Variants in COL12A1 observed in about 807,000 individuals in gnomAD.
COL12A1 encodes the protein collagen type XII alpha 1 chain, also known as collagen alpha-1(XII) chain.
A neutral mutation model predicts 349.7 loss-of-function variants in COL12A1; 114 were observed. That is an observed-to-expected ratio of 0.33 (90% CI 0.28 to 0.38). COL12A1 has a LOEUF of 0.38. Among genes scored for constraint, COL12A1 ranks in the 10% least tolerant of loss-of-function variants. COL12A1 has a pLI of 1.00. For missense variants in COL12A1, 3,284 were observed against 3,756.9 expected, an observed-to-expected ratio of 0.87 and a Z score of 3.29; for synonymous variants, 1,369 against 1,329.0, an observed-to-expected ratio of 1.03 and a Z score of -0.66.
chr6:75,097,208 G>C, intron 59 of COL12A1, 45 bp downstream of exon 59: 1 of 1,558,866 alleles, frequency 6.4e-7, no homozygotes, highest in Non-Finnish European at 8.8e-7. Context: ...TGAGGTGAGA[G>C]GGTGGGAGTG....
chr6:75,163,218 T>TTTA (rs2149435263), intron 14 of COL12A1, among the ~76,000 whole-genome samples: 1 of 152,288 alleles, frequency 6.6e-6, no homozygotes, highest in Non-Finnish European at 1.5e-5. Context: ...CACACGTATG[T>TTTA]TTATTGCAGC....
At chr6:75,176,455 G>A (rs151016857) in intron 12 of COL12A1, among the ~76,000 whole-genome samples, 102 of 149,626 alleles carry the variant, frequency 6.8e-4, no homozygotes, top group South Asian at 1.3e-3. Flanking sequence ...GGCAGTGGGC[G>A]GTGGGAGCAT....
At chr6:75,172,048 T>G (rs926801455) in intron 13 of COL12A1, among the ~76,000 whole-genome samples, 6 of 152,250 alleles carry the variant, frequency 3.9e-5, no homozygotes, top group Admixed American at 3.9e-4. Flanking sequence ...CTTTCCTTCT[T>G]CTCAGGAAAT....
intron 43 of COL12A1, 21 bp from the exon 44 acceptor site, chr6:75,121,462 G>A (rs753856347): frequency 1.3e-6 from 2 of 1,517,106 alleles, no homozygotes; most frequent in Admixed American, 3.8e-5. Context: ...AGAAAGCAGA[G>A]GAAGCCCCAA....
chr6:75,101,501 T>C (rs1768300284), intron 58 of COL12A1, 99 bp downstream of exon 58: 12 of 1,166,794 alleles, frequency 1.0e-5, no homozygotes, highest in South Asian at 2.9e-5. Flanking sequence ...ACAAGATATA[T>C]TACCAGCCTT....
intron 34 of COL12A1, 45 bp downstream of exon 34, chr6:75,133,248 G>A (rs2149386978): frequency 4.0e-6 from 6 of 1,504,086 alleles, no homozygotes; most frequent in Middle Eastern, 1.8e-4. Flanking sequence ...ATAATGAAAA[G>A]CAACACTTAT....
chr6:75,154,415 C>T lies in COL12A1; in HGVS notation c.3565+1G>A. The T allele has an allele frequency of 6.2e-7, 1 of 1,610,072 alleles. No individual in the cohort carries two copies. Among genetic ancestry groups the T allele is most frequent in the Non-Finnish European group, 8.5e-7 (1 of 1,177,742 alleles). ...TCAAGGAATGTAACTCAATTTCTTACCAGAAGATAAAATTGGCATAACAGT... is the reference window on the plus strand; with the variant it reads ...TCAAGGAATGTAACTCAATTTCTTATCAGAAGATAAAATTGGCATAACAGT... On this transcript the variant is annotated splice_donor_variant, in intron 17 of 65. Transcript: ENST00000322507. LOFTEE classifies it high-confidence loss of function.
At chr6:75,201,804 C>G (rs930572070) in intron 2 of COL12A1, among the ~76,000 whole-genome samples, 8 of 152,126 alleles carry the variant, frequency 5.3e-5, no homozygotes, top group Non-Finnish European at 1.2e-4. Flanking sequence ...GTGCACACAA[C>G]AAATAAAATT....
At chr6:75,098,598 G>A (rs1022835704) in intron 58 of COL12A1, among the ~76,000 whole-genome samples, 2 of 152,196 alleles carry the variant, frequency 1.3e-5, no homozygotes, top group Admixed American at 6.5e-5. Context: ...GGTCAGGGCT[G>A]CAGTGAGCTG....
intron 32 of COL12A1, among the ~76,000 whole-genome samples, 156 bp downstream of exon 32, chr6:75,134,570 C>CA (rs990863595): frequency 2.0e-4 from 30 of 149,188 alleles, no homozygotes; most frequent in Non-Finnish European, 2.8e-4. Context: ...GACTCCATCT[C>CA]AAAAAAAAAG....
At chr6:75,199,082 A>C (rs1770387658) in intron 2 of COL12A1, among the ~76,000 whole-genome samples, 1 of 152,234 alleles carries the variant, frequency 6.6e-6, no homozygotes, top group African/African-American at 2.4e-5. Context: ...ATTTTAGAAT[A>C]AGCTACAGAT....
chr6:75,182,010 T>G lies in COL12A1; in HGVS notation c.1892-799A>C, dbSNP rs1228424295. ...ACTGGGTAGGCTGGGGTGCGAGAAT[T>G]GCTTGAACTGGGGAGGCAGATATTG... is the stretch of plus-strand genomic sequence containing the variant. On this transcript the variant is annotated intron_variant, in intron 10 of 65. Transcript: ENST00000322507. Among the ~76,000 whole-genome samples the G allele has an allele frequency of 2.0e-5, 3 of 149,968 alleles. No homozygotes were observed. In the East Asian group the frequency reaches 5.9e-4, roughly 29 times the overall value.
chr6:75,173,234 C>T (rs901024014), intron 13 of COL12A1, among the ~76,000 whole-genome samples: 1 of 152,182 alleles, frequency 6.6e-6, no homozygotes, highest in Non-Finnish European at 1.5e-5. Context: ...TAAAGGTTTA[C>T]TCCAGGTCAC....
intron 54 of COL12A1, 22 bp downstream of exon 54, chr6:75,105,184 G>C: frequency 6.3e-7 from 1 of 1,588,632 alleles, no homozygotes; most frequent in Non-Finnish European, 8.6e-7. Flanking sequence ...AAAAACCAGA[G>C]GATCTATTTC....
chr6:75,181,813 G>A (rs1256860375), intron 10 of COL12A1, among the ~76,000 whole-genome samples: 3 of 151,992 alleles, frequency 2.0e-5, no homozygotes, highest in Non-Finnish European at 4.4e-5. Context: ...AGGCAGGAAG[G>A]GTATGGGGGC....
At chr6:75,192,125 T>C (rs1769962389) in intron 4 of COL12A1, 87 bp downstream of exon 4, 2 of 1,096,116 alleles carry the variant, frequency 1.8e-6, no homozygotes, top group Non-Finnish European at 2.5e-6. Flanking sequence ...AAATTAACTT[T>C]GTATCATAAA....
At chr6:75,092,755 C>T (rs9447442) in intron 60 of COL12A1, among the ~76,000 whole-genome samples, 13,575 of 151,418 alleles carry the variant, frequency 0.09, 1,263 homozygotes, top group African/African-American at 0.23. Flanking sequence ...GATCATGTAA[C>T]TCCTTTGGCT....
intron 8 of COL12A1, among the ~76,000 whole-genome samples, chr6:75,187,601 G>T (rs1769699270): frequency 6.6e-6 from 1 of 152,152 alleles, no homozygotes; most frequent in South Asian, 2.1e-4. Context: ...GAGAGGTTCT[G>T]AGACAGAATT....
intron 51 of COL12A1, among the ~76,000 whole-genome samples, chr6:75,111,791 G>A (rs1248057002): frequency 3.3e-5 from 5 of 151,460 alleles, no homozygotes; most frequent in African/African-American, 9.7e-5. Context: ...GTAGATATAC[G>A]ATTGTACTCA....
Sources: gnomAD v4.1 joint callset for allele counts (sites outside exome capture counted in the v4.1 genomes callset) on GRCh38, gnomAD v4.1.1 for gene constraint, MANE v1.5 for transcripts, NCBI Gene and HGNC (gene_info 2026-07-23, HGNC 2026-07-21) for gene names.